ATP6V1B1: variants seen among roughly 807,000 people sequenced by gnomAD.
ATP6V1B1 encodes the protein ATPase H+ transporting V1 subunit B1.
ATP6V1B1 carries 41 observed loss-of-function variants against 62.1 expected under a neutral mutation model. That is an observed-to-expected ratio of 0.66 (90% CI 0.51 to 0.86). The LOEUF (loss-of-function observed/expected upper bound fraction) is 0.86. Ranked by LOEUF, ATP6V1B1 falls within the 40% of genes least tolerant of loss-of-function variation. ATP6V1B1 has a pLI of 0.00. For synonymous variants in ATP6V1B1, 253 were observed against 273.4 expected, an observed-to-expected ratio of 0.93 and a Z score of 0.74; for missense variants, 651 against 697.5, an observed-to-expected ratio of 0.93 and a Z score of 0.75.
At chr2:70,956,311 G>A (rs574196319) in intron 2 of ATP6V1B1, 1 of 167,982 alleles carries the variant, frequency 6.0e-6, no homozygotes, top group African/African-American at 2.4e-5. Flanking sequence ...CACCATAGCC[G>A]GGTCCCCATG....
intron 7 of ATP6V1B1, 54 bp from the exon 8 acceptor site, chr2:70,961,542 C>T: frequency 6.4e-7 from 1 of 1,567,478 alleles, no homozygotes; most frequent in Non-Finnish European, 8.8e-7. Flanking sequence ...AGGGGCCAGG[C>T]CTTGCCCTCA....
intron 1 of ATP6V1B1, chr2:70,941,050 G>A: frequency 2.0e-6 from 1 of 508,198 alleles, no homozygotes; most frequent in Non-Finnish European, 2.5e-6. Context: ...CCTGAGAGCT[G>A]GGACCACAGG....
At chr2:70,943,115 A>C (rs782443758) in intron 1 of ATP6V1B1, among the ~76,000 whole-genome samples, 3 of 152,090 alleles carry the variant, frequency 2.0e-5, no homozygotes, top group Non-Finnish European at 4.4e-5. Context: ...TGGGGAGTCC[A>C]GGAACCTTGT....
At chr2:70,937,499 G>A (rs1332604926) in intron 1 of ATP6V1B1, among the ~76,000 whole-genome samples, 1 of 151,988 alleles carries the variant, frequency 6.6e-6, no homozygotes, top group Non-Finnish European at 1.5e-5. Context: ...GAGGATAGGA[G>A]GTCCGGATAC....
chr2:70,946,751 C>T (rs1680184776), intron 2 of ATP6V1B1, among the ~76,000 whole-genome samples: 1 of 152,156 alleles, frequency 6.6e-6, no homozygotes. Flanking sequence ...CCACCTCCAC[C>T]ACACTCTCCA....
Position 70,964,972 on chromosome 2 carries a change from C to T in ATP6V1B1, c.1393C>T (p.Arg465Cys). The T allele has an allele frequency of 6.2e-7, 1 of 1,613,992 alleles. No homozygotes were observed. The stretch of plus-strand genomic sequence containing the variant: ...TCTGTCCCTAGGCCCCTACGAGAAC[C>T]GCTCGGTGTTCGAGTCGCTGGACCT... ...NFINQGPYENRSVFESLDLGW... is the reference protein window; with the variant it reads ...NFINQGPYENCSVFESLDLGW... The change falls in exon 14 of 14, where the codon CGC becomes TGC. Residue 465 changes from arginine to cysteine, a missense_variant. Coordinates refer to ENST00000234396, the MANE Select transcript of ATP6V1B1 (RefSeq NM_001692.4).
chr2:70,954,226 T>C (rs1680384369), intron 2 of ATP6V1B1, among the ~76,000 whole-genome samples: 2 of 152,224 alleles, frequency 1.3e-5, no homozygotes, highest in South Asian at 4.1e-4. Context: ...ACATTTTTCT[T>C]ATCTAATATA....
At chr2:70,945,965 T>C (rs1270661454) in intron 2 of ATP6V1B1, among the ~76,000 whole-genome samples, 6 of 151,722 alleles carry the variant, frequency 4.0e-5, no homozygotes, top group African/African-American at 1.5e-4. Context: ...ACTGAGGTAT[T>C]TGGTCAAGAT....
intron 3 of ATP6V1B1, 34 bp from the exon 4 acceptor site, chr2:70,958,299 C>G: frequency 6.2e-7 from 1 of 1,610,568 alleles, no homozygotes; most frequent in Non-Finnish European, 8.5e-7. Flanking sequence ...TCCAGCAGGC[C>G]CCTTAGTGGA....
chr2:70,952,767 TTAATG>T (rs1368619431), intron 2 of ATP6V1B1, among the ~76,000 whole-genome samples: 83 of 152,332 alleles, frequency 5.4e-4, no homozygotes, highest in African/African-American at 1.9e-3. Context: ...GGCTCTATCT[TTAATG>T]TATTTGGGAA....
chr2:70,949,257 C>A (rs782194333), intron 2 of ATP6V1B1, among the ~76,000 whole-genome samples: 6 of 152,114 alleles, frequency 3.9e-5, no homozygotes, highest in Non-Finnish European at 7.4e-5. Context: ...AGCGGATACA[C>A]ATTTTACGCA....
chr2:70,949,144 A>T (rs1680262029), intron 2 of ATP6V1B1, among the ~76,000 whole-genome samples: 1 of 152,144 alleles, frequency 6.6e-6, no homozygotes, highest in South Asian at 2.1e-4. Flanking sequence ...GCCCCGAAAG[A>T]CCCTGCTGAA....
chr2:70,944,956 C>G (rs888222267), intron 2 of ATP6V1B1, among the ~76,000 whole-genome samples: 4 of 152,144 alleles, frequency 2.6e-5, no homozygotes, highest in African/African-American at 7.2e-5. Context: ...CGTGAGCCAC[C>G]GTGCCCAGCT....
In ATP6V1B1 at chr2:70,963,477, C is replaced by G; in HGVS notation, c.1061-95C>G. The G allele has an allele frequency of 6.5e-7, 1 of 1,530,732 alleles. No homozygotes were observed. Among genetic ancestry groups the G allele is most frequent in the Non-Finnish European group, 9.0e-7 (1 of 1,107,668 alleles). 94.8% of individuals were successfully genotyped at this position (1,530,732 alleles called of 1,614,324 possible). A position where few individuals can be genotyped will look rare whatever the true frequency, so the allele number is the denominator to read the frequency against. On this transcript the variant is annotated intron_variant, in intron 10 of 13. Coordinates refer to ENST00000234396, the MANE Select transcript of ATP6V1B1 (RefSeq NM_001692.4). This position sits in a 1 kb window ranked among gnomAD's most constrained non-coding sequence, Gnocchi z 4.3. ...CACCATCCATGCCCCCCACACATCC[C>G]TATCACTCCCATGAGGGAAACAGAC...
intron 1 of ATP6V1B1, among the ~76,000 whole-genome samples, chr2:70,936,795 G>A (rs1679863947): frequency 6.6e-6 from 1 of 152,178 alleles, no homozygotes; most frequent in Non-Finnish European, 1.5e-5. Flanking sequence ...TGAGTATGGT[G>A]AGTGTGTGTA....
At chr2:70,955,951 A>G (rs1385284409) in intron 2 of ATP6V1B1, 9 of 163,386 alleles carry the variant, frequency 5.5e-5, no homozygotes, top group African/African-American at 2.2e-4. Flanking sequence ...TTCGGGTGCT[A>G]TTGGGAATTC....
chr2:70,961,109 GGGGAA>G, intron 7 of ATP6V1B1, 87 bp downstream of exon 7: 5 of 1,393,468 alleles, frequency 3.6e-6, no homozygotes, highest in South Asian at 1.2e-5. Flanking sequence ...CTGATCTGAT[GGGGAA>G]GCCATCAGTG....
chr2:70,961,061 T>C, intron 7 of ATP6V1B1, 39 bp downstream of exon 7: 1 of 1,540,798 alleles, frequency 6.5e-7, no homozygotes, highest in Non-Finnish European at 8.8e-7. Flanking sequence ...CTGGAGGCTG[T>C]GAGCAGGCAG....
intron 6 of ATP6V1B1, 91 bp from the exon 7 acceptor site, chr2:70,960,830 C>T: frequency 9.6e-7 from 1 of 1,039,048 alleles, no homozygotes; most frequent in East Asian, 4.0e-5. Context: ...GCTTGGATCC[C>T]TCCCACCAAA....
Sources: gnomAD v4.1 joint callset for allele counts (sites outside exome capture counted in the v4.1 genomes callset) on GRCh38, gnomAD v4.1.1 for gene constraint, Gnocchi (gnomAD v3.1) non-coding constraint, MANE v1.5 for transcripts, NCBI Gene and HGNC (gene_info 2026-07-23, HGNC 2026-07-21) for gene names.